The following SPMIP9 variants were observed in gnomAD, a reference collection of about 807,000 sequenced individuals.
SPMIP9 encodes sperm microtubule inner protein 9, also known as protein SPMIP9.
At chr2:88,525,255 C>A in the SPMIP9 span, among the ~76,000 whole-genome samples, 1 of 152,210 alleles carries the variant, frequency 6.6e-6, no homozygotes, top group Non-Finnish European at 1.5e-5. Context: ...ATGATAGGAG[C>A]ATTTACACCA....
chr2:88,528,990 G>GA, the SPMIP9 span: 1 of 1,532,842 alleles, frequency 6.5e-7, no homozygotes, highest in East Asian at 2.3e-5. Context: ...ATGCTTCCAA[G>GA]AAAAGCTACA....
chr2:88,528,300 G>A, the SPMIP9 span, among the ~76,000 whole-genome samples: 4 of 152,040 alleles, frequency 2.6e-5, no homozygotes, highest in Admixed American at 2.0e-4. Context: ...ACGACACCCA[G>A]CTAATTTTTG....
chr2:88,528,728 C>T, the SPMIP9 span, among the ~76,000 whole-genome samples: 1 of 152,108 alleles, frequency 6.6e-6, no homozygotes, highest in Non-Finnish European at 1.5e-5. Context: ...CATTTCTGTA[C>T]AAACCAAGGG....
the SPMIP9 span, among the ~76,000 whole-genome samples, chr2:88,527,727 C>G: frequency 1.4e-3 from 218 of 152,256 alleles, 1 homozygote; most frequent in African/African-American, 5.0e-3. Context: ...CTCCCAAATG[C>G]TGCATTGAAG....
chr2:88,528,165 TC>T, the SPMIP9 span, among the ~76,000 whole-genome samples: 3 of 145,866 alleles, frequency 2.1e-5, no homozygotes, highest in Admixed American at 1.4e-4. Context: ...TGAGAAGGAG[TC>T]TGGCTCTGTT....
chr2:88,529,069 T>G, the SPMIP9 span: 2 of 1,612,488 alleles, frequency 1.2e-6, no homozygotes, highest in Non-Finnish European at 1.7e-6. Context: ...AGCTCGATGC[T>G]CAACTCCGGG....
At chr2:88,529,159 G>A in the SPMIP9 span, 2 of 1,614,012 alleles carry the variant, frequency 1.2e-6, no homozygotes, top group African/African-American at 1.3e-5. Context: ...GACCCCACAT[G>A]ACTGCCAAAG....
chr2:88,526,215 AGTAAGGCT>A, the SPMIP9 span, among the ~76,000 whole-genome samples: 1 of 152,138 alleles, frequency 6.6e-6, no homozygotes, highest in Non-Finnish European at 1.5e-5. Flanking sequence ...AGTGGGAGGA[AGTAAGGCT>A]GGAGTAGAGA....
At chr2:88,526,435 T>C in the SPMIP9 span, 1 of 1,614,016 alleles carries the variant, frequency 6.2e-7, no homozygotes, top group Non-Finnish European at 8.5e-7. Context: ...ATACCAAAGC[T>C]CCCACATGGT....
At chr2:88,525,872 T>C in the SPMIP9 span, among the ~76,000 whole-genome samples, 1 of 151,956 alleles carries the variant, frequency 6.6e-6, no homozygotes, top group South Asian at 2.1e-4. Context: ...GGTTCAGTTA[T>C]TTACTCAGCA....
chr2:88,529,358 G>T, the SPMIP9 span: 1 of 1,614,192 alleles, frequency 6.2e-7, no homozygotes, highest in Non-Finnish European at 8.5e-7. Flanking sequence ...ACACCAGCCT[G>T]CTGCAGAGAT....
the SPMIP9 span, chr2:88,529,218 G>T: frequency 1.2e-6 from 2 of 1,614,188 alleles, no homozygotes; most frequent in Non-Finnish European, 1.7e-6. Flanking sequence ...GAGGCCACGA[G>T]GGAGGACGAG....
the SPMIP9 span, chr2:88,526,579 G>C: frequency 9.2e-7 from 1 of 1,085,734 alleles, no homozygotes; most frequent in Non-Finnish European, 1.4e-6. Flanking sequence ...TACAAATGTG[G>C]ACATTTGGGC....
the SPMIP9 span, among the ~76,000 whole-genome samples, chr2:88,528,311 T>C: frequency 6.6e-6 from 1 of 152,128 alleles, no homozygotes; most frequent in East Asian, 1.9e-4. Flanking sequence ...CTAATTTTTG[T>C]ATTTTTAGTA....
chr2:88,529,380 A>G, the SPMIP9 span: 1 of 1,614,098 alleles, frequency 6.2e-7, no homozygotes, highest in Non-Finnish European at 8.5e-7. Flanking sequence ...GCCAAAGGCT[A>G]CCTGCTACTG....
At chr2:88,527,426 G>A in the SPMIP9 span, among the ~76,000 whole-genome samples, 1 of 151,102 alleles carries the variant, frequency 6.6e-6, no homozygotes, top group African/African-American at 2.4e-5. Context: ...CCTGGGAGGT[G>A]GGGCGAGACT....
the SPMIP9 span, chr2:88,529,312 C>G: frequency 6.2e-7 from 1 of 1,614,190 alleles, no homozygotes; most frequent in South Asian, 1.1e-5. Flanking sequence ...ACCAGGTCCT[C>G]CAGAGTGCTG....
At chr2:88,526,590 C>G in the SPMIP9 span, 1 of 980,158 alleles carries the variant, frequency 1.0e-6, no homozygotes. Flanking sequence ...ACATTTGGGC[C>G]CTTGTTAGAA....
chr2:88,525,772 G>A, the SPMIP9 span: 13 of 1,194,380 alleles, frequency 1.1e-5, no homozygotes, highest in East Asian at 2.4e-5. Context: ...TCATCTTTCT[G>A]TAATGATAGT....
Sources: gnomAD v4.1 joint callset for allele counts (sites outside exome capture counted in the v4.1 genomes callset) on GRCh38, gnomAD v4.1.1 for gene constraint, MANE v1.5 for transcripts, NCBI Gene and HGNC (gene_info 2026-07-23, HGNC 2026-07-21) for gene names.